Variants in TRPC4 observed in about 807,000 individuals in gnomAD.
The protein encoded by TRPC4 is transient receptor potential cation channel subfamily C member 4, also known as short transient receptor potential channel 4.
Under a neutral mutation model 99.4 loss-of-function variants are expected in TRPC4, and 49 were observed. The ratio of observed to expected loss-of-function variants is 0.49; its 90% CI spans 0.39 to 0.63. The LOEUF is 0.63. Among genes scored for constraint, TRPC4 ranks in the 20% least tolerant of loss-of-function variants. TRPC4 has a pLI of 0.00. For missense variants in TRPC4, 898 were observed against 1,152.9 expected (o/e 0.78, Z 3.20); for synonymous variants, 454 against 425.9 (o/e 1.07, Z -0.81).
chr13:37,869,105 C>T (rs1290947291), intron 1 of TRPC4, among the ~76,000 whole-genome samples: 1 of 152,078 alleles, frequency 6.6e-6, no homozygotes, highest in Non-Finnish European at 1.5e-5. Context: ...TGTAATCGAT[C>T]GGTAGAACAT....
chr13:37,805,944 A>G (rs1055406734), intron 1 of TRPC4, among the ~76,000 whole-genome samples: 1 of 152,060 alleles, frequency 6.6e-6, no homozygotes, highest in Non-Finnish European at 1.5e-5. Context: ...AGATTAAGGT[A>G]ATGTGTTTCT....
At chr13:37,866,506 T>C (rs1959756199) in intron 1 of TRPC4, among the ~76,000 whole-genome samples, 1 of 151,804 alleles carries the variant, frequency 6.6e-6, no homozygotes, top group Non-Finnish European at 1.5e-5. Flanking sequence ...AATTAATACA[T>C]TTTCAATGCG....
In TRPC4 at chr13:37,746,441, G is replaced by T. The variant is rs547672368; in HGVS notation, c.393C>A (p.Leu131=). Residue 131 remains leucine (L), a synonymous_variant, in exon 3 of 11, where the codon CTC becomes CTA. Coordinates refer to ENST00000379705, the MANE Select transcript of TRPC4 (RefSeq NM_016179.4). ...TGAATTCAGAGAACTGCTTATCAAG[G>T]AGTATAGGAGGCACCTAAAAAAAAA... The part of the protein sequence containing the change: ...PSGEKQVPPI[L]LDKQFSEFTP... The T allele has an allele frequency of 6.4e-7, 1 of 1,553,404 alleles. No individual in the cohort carries two copies. The highest frequency in any genetic ancestry group is 2.3e-5 in the East Asian group (1 of 43,240).
chr13:37,754,244 C>T (rs898700293), intron 2 of TRPC4, among the ~76,000 whole-genome samples: 6 of 152,176 alleles, frequency 3.9e-5, no homozygotes, highest in South Asian at 2.1e-4. Context: ...GTCTCCCATA[C>T]GCAACTCTTC....
chr13:37,861,502 C>T (rs1361145631), intron 1 of TRPC4, among the ~76,000 whole-genome samples: 1 of 151,534 alleles, frequency 6.6e-6, no homozygotes, highest in Admixed American at 6.6e-5. Context: ...CAATAGAATG[C>T]AAAGCAGTTC....
At chr13:37,788,383 C>G (rs1037791948) in intron 1 of TRPC4, among the ~76,000 whole-genome samples, 4 of 152,168 alleles carry the variant, frequency 2.6e-5, no homozygotes, top group African/African-American at 7.2e-5. Flanking sequence ...AGCTCATCTT[C>G]CATTTACTCA....
chr13:37,765,835 T>C (rs1443523777), intron 2 of TRPC4, among the ~76,000 whole-genome samples: 1 of 151,512 alleles, frequency 6.6e-6, no homozygotes, highest in African/African-American at 2.4e-5. Flanking sequence ...AATTTTATCA[T>C]ATGCTTTGTA....
At chr13:37,649,520 G>A (rs1951952353) in intron 8 of TRPC4, among the ~76,000 whole-genome samples, 1 of 151,812 alleles carries the variant, frequency 6.6e-6, no homozygotes, top group African/African-American at 2.4e-5. Flanking sequence ...AGATTACGAG[G>A]TCAGGAGATC....
chr13:37,821,190 C>CCACACACACACACA (rs3086254), intron 1 of TRPC4, among the ~76,000 whole-genome samples: 124 of 136,010 alleles, frequency 9.1e-4, no homozygotes, highest in South Asian at 2.2e-3. Context: ...TTCACAATAG[C>CCACACACACACACA]CACACACACA....
chr13:37,775,875 A>G (rs1035162494), intron 2 of TRPC4, among the ~76,000 whole-genome samples: 1 of 151,206 alleles, frequency 6.6e-6, no homozygotes, highest in Non-Finnish European at 1.5e-5. Flanking sequence ...TTTTGCTTTT[A>G]TAGTATGTTG....
At chr13:37,806,184 T>C (rs977413895) in intron 1 of TRPC4, among the ~76,000 whole-genome samples, 2 of 152,020 alleles carry the variant, frequency 1.3e-5, no homozygotes, top group Admixed American at 6.6e-5. Context: ...CGGGAGAAAG[T>C]ACCAGAGGTG....
chr13:37,776,694 A>G (rs992174279), intron 2 of TRPC4, among the ~76,000 whole-genome samples: 3 of 151,954 alleles, frequency 2.0e-5, no homozygotes, highest in African/African-American at 7.2e-5. Flanking sequence ...ATACAATGTC[A>G]TTTAATAATT....
intron 4 of TRPC4, among the ~76,000 whole-genome samples, chr13:37,683,114 G>T (rs1453478414): frequency 1.3e-5 from 2 of 151,726 alleles, no homozygotes; most frequent in Non-Finnish European, 2.9e-5. Context: ...GACAGGTAAG[G>T]GTGTTTCCTC....
intron 3 of TRPC4, among the ~76,000 whole-genome samples, chr13:37,693,248 A>G (rs1953784105): frequency 6.6e-6 from 1 of 152,062 alleles, no homozygotes; most frequent in Non-Finnish European, 1.5e-5. Flanking sequence ...TTCAGATGGA[A>G]CAGTTCAAGA....
At position 37,756,965 on chromosome 13, in the gene TRPC4, G is replaced by C. The variant is rs539196855; in HGVS notation, c.379-10510C>G. ...CTAAATCAGGAGATTTTAAATTTTTGTGTGCCATGGATTTCTTTGGAGATC... is the reference window on the plus strand; with the variant it reads ...CTAAATCAGGAGATTTTAAATTTTTCTGTGCCATGGATTTCTTTGGAGATC... On this transcript the variant is annotated intron_variant, in intron 2 of 10. Coordinates refer to ENST00000379705, the MANE Select transcript of TRPC4 (RefSeq NM_016179.4). Among the ~76,000 whole-genome samples the C allele has an allele frequency of 1.5e-3, 222 of 152,088 alleles. 1 individual carries two copies. The highest frequency in any genetic ancestry group is 6.8e-3 in the Middle Eastern group (2 of 294).
intron 5 of TRPC4, among the ~76,000 whole-genome samples, chr13:37,671,822 A>G (rs1414964968): frequency 6.6e-6 from 1 of 152,206 alleles, no homozygotes; most frequent in Non-Finnish European, 1.5e-5. Context: ...CCCAACTCAA[A>G]AACATACATT....
intron 1 of TRPC4, among the ~76,000 whole-genome samples, chr13:37,863,306 A>G (rs935216682): frequency 4.6e-5 from 7 of 151,644 alleles, no homozygotes; most frequent in African/African-American, 1.7e-4. Flanking sequence ...ACACTGACAT[A>G]TTCAAAAACA....
intron 4 of TRPC4, among the ~76,000 whole-genome samples, chr13:37,689,240 T>C (rs923480240): frequency 1.5e-4 from 23 of 152,286 alleles, no homozygotes; most frequent in African/African-American, 4.1e-4. Context: ...TCCTGAGAGC[T>C]TGTGACCACC....
At chr13:37,679,487 A>T (rs1368560854) in intron 4 of TRPC4, among the ~76,000 whole-genome samples, 1 of 152,200 alleles carries the variant, frequency 6.6e-6, no homozygotes, top group African/African-American at 2.4e-5. Context: ...AAAATGTTGA[A>T]TGAAATAAAA....
Sources: allele counts gnomAD v4.1 joint callset (sites outside exome capture counted in the v4.1 genomes callset), GRCh38; gene constraint gnomAD v4.1.1; transcripts MANE v1.5; gene names NCBI Gene and HGNC (gene_info 2026-07-23, HGNC 2026-07-21).